Variants in ACSM5 observed in about 807,000 individuals in gnomAD.
ACSM5 encodes acyl-CoA synthetase medium chain family member 5.
Under a neutral mutation model 71.6 loss-of-function variants are expected in ACSM5, and 56 were observed. The ratio of observed to expected loss-of-function variants is 0.78; its 90% confidence interval spans 0.63 to 0.98. ACSM5 has a LOEUF of 0.98. Ranked by LOEUF, ACSM5 falls within the 50% of genes least tolerant of loss-of-function variation. The probability of loss-of-function intolerance (pLI) is 0.00; values close to 1 mark genes in which losing one functional copy is unlikely to be tolerated. For missense variants in ACSM5, 723 were observed against 726.0 expected (o/e 1.00, Z 0.05); for synonymous variants, 285 against 281.5 (o/e 1.01, Z -0.12).
chr16:20,427,758 G>C (rs749090974), intron 6 of ACSM5, 30 bp from the exon 7 acceptor site: 8 of 1,486,070 alleles, frequency 5.4e-6, no homozygotes, highest in Non-Finnish European at 7.5e-6. Context: ...ATGATTCTAA[G>C]GACATCTTTC....
chr16:20,419,113 G>T, intron 3 of ACSM5, 115 bp from the exon 4 acceptor site: 1 of 811,828 alleles, frequency 1.2e-6, no homozygotes, highest in Non-Finnish European at 2.0e-6. Flanking sequence ...TTATTGTTAC[G>T]TCTTCCAGCT....
intron 10 of ACSM5, among the ~76,000 whole-genome samples, chr16:20,435,288 C>T (rs2141660339): frequency 6.6e-6 from 1 of 152,328 alleles, no homozygotes; most frequent in Admixed American, 6.5e-5. Flanking sequence ...CTGCCTTGGC[C>T]TCCCGAAGTG....
Position 20,433,006 on chromosome 16 carries a change from C to T in ACSM5, c.1308+1685C>T, listed in dbSNP as rs544595668. 3.0e-3 allele frequency among the ~76,000 whole-genome samples: 458 copies of T among 151,970 alleles called. 4 individuals carry two copies. The highest frequency in any genetic ancestry group is 0.01 in the African/African-American group (433 of 41,440). ...CCAAGTAACTGGGACTACAGGCGCA[C>T]ACCACTTCACCGGGGTAATTTTGGT... On this transcript the variant is annotated intron_variant, in intron 10 of 13. Coordinates refer to ENST00000331849, the MANE Select transcript of ACSM5 (RefSeq NM_017888.3).
chr16:20,436,345 C>T (rs915088677), intron 10 of ACSM5, among the ~76,000 whole-genome samples: 3 of 144,690 alleles, frequency 2.1e-5, no homozygotes, highest in African/African-American at 7.6e-5. Context: ...GTGGCACAAT[C>T]TTGCAATCTC....
intron 10 of ACSM5, among the ~76,000 whole-genome samples, chr16:20,434,599 CAGG>C (rs778126267): frequency 1.1e-4 from 17 of 152,170 alleles, no homozygotes; most frequent in Non-Finnish European, 2.5e-4. Context: ...GAGGCTGAGA[CAGG>C]AGAATTGCTT....
At chr16:20,434,853 A>C (rs758500469) in intron 10 of ACSM5, among the ~76,000 whole-genome samples, 10 of 152,320 alleles carry the variant, frequency 6.6e-5, no homozygotes, top group Non-Finnish European at 1.3e-4. Context: ...GAACAACTCT[A>C]ACCTTGTTAT....
rs1966868706 is a variant in ACSM5, at chr16:20,419,450, T to C, written c.623+15T>C. 1.2e-6 allele frequency: 2 copies of C among 1,612,322 alleles called. No homozygotes were observed. Among genetic ancestry groups the C allele is most frequent in the South Asian group, 2.2e-5 (2 of 91,032 alleles). Reference sequence around the variant, plus strand: ...GAACTCCTCCGGTGAATTGGGGCTCTCCAGAACAGCAGAAAAATGAAGTCA... The same window carrying C: ...GAACTCCTCCGGTGAATTGGGGCTCCCCAGAACAGCAGAAAAATGAAGTCA... On this transcript the variant is annotated intron_variant, in intron 4 of 13. Coordinates refer to ENST00000331849, the MANE Select transcript of ACSM5 (RefSeq NM_017888.3).
Position 20,440,488 on chromosome 16 carries a change from T to G in ACSM5, c.*61T>G, listed in dbSNP as rs908265572. 2 of 1,452,182 alleles carry G rather than the reference T, an allele frequency of 1.4e-6. No individual in the cohort carries two copies. Among genetic ancestry groups the G allele is most frequent in the African/African-American group, 2.8e-5 (2 of 72,298 alleles). 90.0% of individuals were successfully genotyped at this position (1,452,182 alleles called of 1,614,324 possible). On this transcript the variant is annotated 3_prime_UTR_variant, in exon 14 of 14. Coordinates refer to ENST00000331849, the MANE Select transcript of ACSM5 (RefSeq NM_017888.3). The stretch of plus-strand genomic sequence containing the variant: ...ACTCCACAAGAAACTAATGGATCAC[T>G]GGTCAGTCCCCATGGGGAGCATCAT...
chr16:20,418,436 A>G (rs1442333110), intron 3 of ACSM5, among the ~76,000 whole-genome samples, 167 bp downstream of exon 3: 1 of 152,216 alleles, frequency 6.6e-6, no homozygotes, highest in East Asian at 1.9e-4. Context: ...TAGGGGCCAG[A>G]CAATGATGTA....
intron 7 of ACSM5, among the ~76,000 whole-genome samples, chr16:20,429,454 C>A (rs760452554): frequency 6.6e-6 from 1 of 152,142 alleles, no homozygotes; most frequent in Non-Finnish European, 1.5e-5. Context: ...ATTATATGAG[C>A]TTCTGATTTT....
intron 4 of ACSM5, 47 bp downstream of exon 4, chr16:20,419,482 C>G: frequency 6.4e-7 from 1 of 1,571,308 alleles, no homozygotes; most frequent in East Asian, 2.2e-5. Context: ...GTCATTTCCC[C>G]TTTAAGCAAC....
intron 7 of ACSM5, among the ~76,000 whole-genome samples, chr16:20,429,425 C>T (rs554626740): frequency 6.6e-6 from 1 of 152,244 alleles, no homozygotes; most frequent in Non-Finnish European, 1.5e-5. Context: ...CTGGAACTCA[C>T]CATATTATGC....
At chr16:20,424,809 CA>C (rs1341355144) in intron 6 of ACSM5, among the ~76,000 whole-genome samples, 1 of 152,150 alleles carries the variant, frequency 6.6e-6, no homozygotes, top group Non-Finnish European at 1.5e-5. Flanking sequence ...TGAAATGATA[CA>C]AGGCAAAGGG....
At chr16:20,438,785 C>G (rs955220132) in intron 12 of ACSM5, among the ~76,000 whole-genome samples, 1 of 150,642 alleles carries the variant, frequency 6.6e-6, no homozygotes, top group Non-Finnish European at 1.5e-5. Flanking sequence ...GAAACCCCAT[C>G]TCTACTAAAA....
intron 4 of ACSM5, among the ~76,000 whole-genome samples, chr16:20,420,055 G>A (rs895973227): frequency 5.9e-5 from 9 of 152,190 alleles, no homozygotes; most frequent in African/African-American, 1.2e-4. Context: ...GCAGAGCCGA[G>A]AGCAGATGTG....
chr16:20,430,568 G>T (rs1967073111), intron 8 of ACSM5, among the ~76,000 whole-genome samples: 1 of 151,764 alleles, frequency 6.6e-6, no homozygotes, highest in African/African-American at 2.4e-5. Context: ...AAGAAGGAAG[G>T]GAGGGAGGAA....
chr16:20,419,182 G>A, intron 3 of ACSM5, 46 bp from the exon 4 acceptor site: 1 of 1,596,542 alleles, frequency 6.3e-7, no homozygotes, highest in Non-Finnish European at 8.6e-7. Flanking sequence ...CTATACCCAA[G>A]GCCTTCCCCG....
intron 12 of ACSM5, among the ~76,000 whole-genome samples, chr16:20,438,155 G>A (rs374039391): frequency 6.6e-6 from 1 of 151,860 alleles, no homozygotes; most frequent in Non-Finnish European, 1.5e-5. Context: ...GGGTCCCAGA[G>A]GAATGCATAT....
At chr16:20,420,070 G>A (rs538766707) in intron 4 of ACSM5, among the ~76,000 whole-genome samples, 1 of 152,290 alleles carries the variant, frequency 6.6e-6, no homozygotes, top group East Asian at 1.9e-4. Context: ...GATGTGCCTT[G>A]GAGCAAGGGC....
Sources: allele counts gnomAD v4.1 joint callset (sites outside exome capture counted in the v4.1 genomes callset), GRCh38; gene constraint gnomAD v4.1.1; transcripts MANE v1.5; gene names NCBI Gene and HGNC (gene_info 2026-07-23, HGNC 2026-07-21).